The following COPS8 variants were observed in gnomAD, a reference collection of about 807,000 sequenced individuals.
COPS8 encodes the protein COP9 signalosome subunit 8.
COPS8 carries 11 observed loss-of-function variants against 31.5 expected under a neutral mutation model. That is an observed-to-expected ratio of 0.35 (90% CI 0.22 to 0.58). COPS8 has a LOEUF of 0.58. COPS8 is among the 20% of genes least tolerant of loss of function. The pLI is 0.83. For synonymous variants in COPS8, 81 were observed against 89.3 expected, an observed-to-expected ratio of 0.91 and a Z score of 0.52; for missense variants, 215 against 255.1, an observed-to-expected ratio of 0.84 and a Z score of 1.07.
At chr2:237,095,955 G>A in intron 6 of COPS8, 71 bp downstream of exon 6, 2 of 1,057,802 alleles carry the variant, frequency 1.9e-6, no homozygotes, top group Non-Finnish European at 2.9e-6. Context: ...TCAGTCTTTG[G>A]TTTTTGATAA....
chr2:237,095,050 A>G (rs1328210085), intron 5 of COPS8, among the ~76,000 whole-genome samples: 1 of 152,214 alleles, frequency 6.6e-6, no homozygotes, highest in Admixed American at 6.5e-5. Context: ...AAATATGAGC[A>G]CCATCACGCA....
chr2:237,094,631 C>A (rs908169903), intron 5 of COPS8, among the ~76,000 whole-genome samples: 3 of 152,090 alleles, frequency 2.0e-5, no homozygotes, highest in Admixed American at 6.6e-5. Context: ...TCAGCTGATG[C>A]CCAGACTAAT....
In COPS8 at chr2:237,093,979, A is replaced by T. The variant is rs1164056786; in HGVS notation, c.332-111A>T. ...TATAAGCACAGAAATCTTTGGGTTC[A>T]TCTGGCCTTGCTTATGAAAACTAGA... is the stretch of plus-strand genomic sequence containing the variant. On this transcript the variant is annotated intron_variant, in intron 4 of 7. Coordinates refer to ENST00000354371, the MANE Select transcript of COPS8 (RefSeq NM_006710.5). 2.7e-6 allele frequency: 4 copies of T among 1,480,572 alleles called. No individual in the cohort carries two copies. In the African/African-American group the frequency reaches 5.6e-5, roughly 21 times the overall value. The allele number at this position is 1,480,572 out of a possible 1,614,324, so 91.7% of individuals were successfully genotyped here.
Position 237,094,142 on chromosome 2 carries a change from C to A in COPS8, c.384C>A (p.Ile128=). Residue 128 remains isoleucine (I), a synonymous_variant, in exon 5 of 8, where the codon ATC becomes ATA. Transcript: ENST00000354371. ...TGGTCTCTCAAGCGTATACTTCAAT[C>A]ATCGCCGATGATTTTGCAGCCTTTG... is the stretch of plus-strand genomic sequence containing the variant. ...FALVSQAYTS[I]IADDFAAFVG... 1 of 1,614,110 alleles carries A rather than the reference C, an allele frequency of 6.2e-7. No homozygotes were observed. Among genetic ancestry groups the A allele is most frequent in the Non-Finnish European group, 8.5e-7 (1 of 1,179,976 alleles).
Position 237,086,063 on chromosome 2 carries a change from G to A in COPS8, c.78+21G>A, listed in dbSNP as rs756704503. 5 of 1,606,194 alleles carry A rather than the reference G, an allele frequency of 3.1e-6. No individual in the cohort carries two copies. The South Asian group carries it at 4.4e-5, about 14-fold the overall frequency. ...TCGAGGTAACCCTTTGCGTCGCGCTGGGAGAAACTGCGGAGTAGTCTTAGG... is the reference window on the plus strand; with the variant it reads ...TCGAGGTAACCCTTTGCGTCGCGCTAGGAGAAACTGCGGAGTAGTCTTAGG... On this transcript the variant is annotated intron_variant, in intron 1 of 7. Coordinates refer to ENST00000354371, the MANE Select transcript of COPS8 (RefSeq NM_006710.5).
intron 3 of COPS8, among the ~76,000 whole-genome samples, chr2:237,089,466 G>T (rs1460286640): frequency 5.3e-5 from 8 of 152,046 alleles, no homozygotes; most frequent in Non-Finnish European, 1.0e-4. Flanking sequence ...AGTCTCTATT[G>T]TTAACCATTT....
intron 4 of COPS8, chr2:237,093,813 G>C: frequency 1.8e-6 from 2 of 1,085,406 alleles, no homozygotes; most frequent in Non-Finnish European, 2.2e-6. Flanking sequence ...CTTAGGGTTA[G>C]AGCCTTGTGT....
In COPS8 at chr2:237,090,000, GTT is replaced by G; in HGVS notation, c.331+8_331+9del. The G allele has an allele frequency of 6.2e-7, 1 of 1,612,734 alleles. No homozygotes were observed. The highest frequency in any genetic ancestry group is 8.5e-7 in the Non-Finnish European group (1 of 1,179,466). On this transcript the variant is annotated splice_region_variant and intron_variant, in intron 4 of 7. Transcript: ENST00000354371. ...AATTATGGAAGCACTTAGAGGTAGTGTTTCTTTGTGGTTAAAAATGAAATTAG... is the reference window on the plus strand; with the variant it reads ...AATTATGGAAGCACTTAGAGGTAGTGTCTTTGTGGTTAAAAATGAAATTAG...
chr2:237,097,420 A>G (rs1460126711), intron 7 of COPS8, among the ~76,000 whole-genome samples: 1 of 152,200 alleles, frequency 6.6e-6, no homozygotes, highest in African/African-American at 2.4e-5. Flanking sequence ...CAGTAACAAC[A>G]ACATGAGACA....
chr2:237,093,993 A>C (rs1384405303), intron 4 of COPS8, 97 bp from the exon 5 acceptor site: 1 of 1,509,510 alleles, frequency 6.6e-7, no homozygotes. Flanking sequence ...GGCCTTGCTT[A>C]TGAAAACTAG....
chr2:237,087,980 G>A (rs1574835716), intron 2 of COPS8, among the ~76,000 whole-genome samples: 1 of 148,316 alleles, frequency 6.7e-6, no homozygotes, highest in Non-Finnish European at 1.5e-5. Context: ...GTCTCCTATA[G>A]TTCTGTGACT....
chr2:237,095,712 G>A, intron 5 of COPS8, 110 bp from the exon 6 acceptor site: 2 of 683,044 alleles, frequency 2.9e-6, no homozygotes. Context: ...CATATGACGG[G>A]TTATACTAAA....
intron 2 of COPS8, chr2:237,087,608 T>G: frequency 4.1e-6 from 1 of 246,294 alleles, no homozygotes; most frequent in Non-Finnish European, 8.7e-6. Context: ...TATTCCTATT[T>G]CACGTTCACA....
At chr2:237,095,755 G>T in intron 5 of COPS8, 67 bp from the exon 6 acceptor site, 1 of 1,051,034 alleles carries the variant, frequency 9.5e-7, no homozygotes, top group South Asian at 1.3e-5. Flanking sequence ...TAATGTCATG[G>T]ACAAGTTGTG....
At chr2:237,086,455 A>C (rs1033217900) in intron 1 of COPS8, among the ~76,000 whole-genome samples, 2 of 152,148 alleles carry the variant, frequency 1.3e-5, no homozygotes, top group Non-Finnish European at 2.9e-5. Flanking sequence ...TGACCATTGT[A>C]ACCTTTTTTT....
At position 237,097,624 on chromosome 2, in the gene COPS8, G is replaced by T. The variant is rs535306075; in HGVS notation, c.551-39G>T. 5 of 1,436,070 alleles carry T rather than the reference G, an allele frequency of 3.5e-6. No homozygotes were observed. The South Asian group carries it at 5.8e-5, about 17-fold the overall frequency. 89.0% of individuals were successfully genotyped at this position (1,436,070 alleles called of 1,614,324 possible). ...TTGGGGCCAAAGCTTTGTTACTGTG[G>T]TATGTAACATGAAGTGTGTTTGTTT... On this transcript the variant is annotated intron_variant, in intron 7 of 7. Coordinates refer to ENST00000354371, the MANE Select transcript of COPS8 (RefSeq NM_006710.5).
At chr2:237,095,220 A>C (rs1696777899) in intron 5 of COPS8, among the ~76,000 whole-genome samples, 1 of 152,138 alleles carries the variant, frequency 6.6e-6, no homozygotes, top group Non-Finnish European at 1.5e-5. Context: ...CATACTTCAG[A>C]GCTCGTATTC....
At chr2:237,090,174 G>A (rs1345092647) in intron 4 of COPS8, among the ~76,000 whole-genome samples, 180 bp downstream of exon 4, 1 of 152,128 alleles carries the variant, frequency 6.6e-6, no homozygotes, top group Non-Finnish European at 1.5e-5. Flanking sequence ...TGTTGCTTGA[G>A]ATTACATTGG....
rs747000438 is a variant in COPS8, at chr2:237,088,591, G to A, written c.150-14G>A. The A allele has an allele frequency of 1.9e-6, 3 of 1,574,384 alleles. No homozygotes were observed. Among genetic ancestry groups the A allele is most frequent in the East Asian group, 2.3e-5 (1 of 44,396 alleles). On this transcript the variant is annotated splice_polypyrimidine_tract_variant and intron_variant, in intron 2 of 7. Coordinates refer to ENST00000354371, the MANE Select transcript of COPS8 (RefSeq NM_006710.5). Reference sequence around the variant, plus strand: ...TTTTAATTGATTATTCTTCTTTGTGGTGGCGTAAATTAGGAATAATGCAAG... The same window carrying A: ...TTTTAATTGATTATTCTTCTTTGTGATGGCGTAAATTAGGAATAATGCAAG...
Sources: allele counts gnomAD v4.1 joint callset (sites outside exome capture counted in the v4.1 genomes callset), GRCh38; gene constraint gnomAD v4.1.1; transcripts MANE v1.5; gene names NCBI Gene and HGNC (gene_info 2026-07-23, HGNC 2026-07-21).